The following AGO3 variants were observed in gnomAD, a reference collection of about 807,000 sequenced individuals.
AGO3 encodes the protein argonaute RISC catalytic component 3.
Under a neutral mutation model 105.5 loss-of-function variants are expected in AGO3, and 16 were observed. The observed-to-expected ratio is 0.15, with a 90% CI of 0.10 to 0.23. The LOEUF (loss-of-function observed/expected upper bound fraction) is 0.23, where lower values mean the gene tolerates loss of function less well. Among genes scored for constraint, AGO3 ranks in the 10% least tolerant of loss-of-function variants. The probability of loss-of-function intolerance (pLI) is 1.00; values close to 1 mark genes in which losing one functional copy is unlikely to be tolerated. For synonymous variants in AGO3, 340 were observed against 367.3 expected, an observed-to-expected ratio of 0.93 and a Z score of 0.85; for missense variants, 534 against 1,088.0, an observed-to-expected ratio of 0.49 and a Z score of 7.16.
At chr1:36,037,366 A>G (rs956643474) in intron 14 of AGO3, among the ~76,000 whole-genome samples, 2 of 152,010 alleles carry the variant, frequency 1.3e-5, no homozygotes, top group African/African-American at 4.8e-5. Context: ...TATAAAAAAT[A>G]CGAAATTAGC....
intron 9 of AGO3, among the ~76,000 whole-genome samples, chr1:36,010,072 G>A (rs1640525348): frequency 6.6e-6 from 1 of 151,420 alleles, no homozygotes; most frequent in Non-Finnish European, 1.5e-5. Context: ...CCCAGCAGCT[G>A]GGACTACAGG....
chr1:36,040,550 A>G, intron 16 of AGO3, 109 bp downstream of exon 16: 2 of 1,211,732 alleles, frequency 1.7e-6, no homozygotes, highest in Non-Finnish European at 2.3e-6. Flanking sequence ...AATATATAGT[A>G]GCAAATTTCA....
intron 1 of AGO3, among the ~76,000 whole-genome samples, chr1:35,933,640 CAAAAAAAAAAAAAAAAA>C (rs34254758): frequency 1.6e-4 from 5 of 31,388 alleles, no homozygotes; most frequent in Non-Finnish European, 3.5e-4. Flanking sequence ...GACCCTGTCT[CAAAAAAAAAAAAAAAAA>C]AAAAAAAAAA....
intron 15 of AGO3, 125 bp from the exon 16 acceptor site, chr1:36,040,182 A>G: frequency 1.7e-6 from 2 of 1,207,362 alleles, no homozygotes; most frequent in Non-Finnish European, 1.1e-6. Context: ...TAATCGTTAA[A>G]ATGGAATCTA....
At chr1:36,000,764 GAATAT>G (rs1466885423) in intron 5 of AGO3, among the ~76,000 whole-genome samples, 3 of 150,612 alleles carry the variant, frequency 2.0e-5, no homozygotes, top group Non-Finnish European at 3.0e-5. Context: ...TTCAGTAGAA[GAATAT>G]AATATATATA....
chr1:36,063,929 T>A lies in AGO3; in HGVS notation c.*8184T>A, dbSNP rs903899888. 2 of 152,126 alleles carry A rather than the reference T, an allele frequency of 1.3e-5. No individual in the cohort carries two copies. The highest frequency in any genetic ancestry group is 4.8e-5 in the African/African-American group (2 of 41,430). 9.4% of individuals were successfully genotyped at this position (152,126 alleles called of 1,614,324 possible). On this transcript the variant is annotated 3_prime_UTR_variant, in exon 19 of 19. Coordinates refer to ENST00000373191, the MANE Select transcript of AGO3 (RefSeq NM_024852.4). ...ATGCCCAGCTAATGGTTTTTTTCTTTAGAGATGGGGGTCACTATACTGCCC... is the reference window on the plus strand; with the variant it reads ...ATGCCCAGCTAATGGTTTTTTTCTTAAGAGATGGGGGTCACTATACTGCCC...
intron 9 of AGO3, among the ~76,000 whole-genome samples, chr1:36,010,613 A>G (rs1640559140): frequency 6.6e-6 from 1 of 151,198 alleles, no homozygotes; most frequent in Non-Finnish European, 1.5e-5. Flanking sequence ...AAAAAAAAAA[A>G]AAAGAAAAAG....
intron 2 of AGO3, among the ~76,000 whole-genome samples, chr1:35,960,625 TAGTG>T (rs1242452369): frequency 3.3e-5 from 5 of 152,060 alleles, no homozygotes; most frequent in Non-Finnish European, 5.9e-5. Flanking sequence ...ATGGGCAACA[TAGTG>T]AGACCCCATC....
At position 36,068,332 on chromosome 1, in the gene AGO3, T is replaced by G. The variant is rs1188569567; in HGVS notation, c.*12587T>G. ...AGAATGCTAATGTGAACAGAGTATA[T>G]ATCAGGAATATGATGTATTATGGCA... On this transcript the variant is annotated 3_prime_UTR_variant, in exon 19 of 19. Transcript: ENST00000373191. 2 of 152,196 alleles carry G rather than the reference T, an allele frequency of 1.3e-5. No individual in the cohort carries two copies. Among genetic ancestry groups the G allele is most frequent in the Non-Finnish European group, 2.9e-5 (2 of 68,042 alleles). 9.4% of individuals were successfully genotyped at this position (152,196 alleles called of 1,614,324 possible).
intron 5 of AGO3, among the ~76,000 whole-genome samples, chr1:35,994,042 ATTT>A (rs759085356): frequency 5.2e-4 from 34 of 65,838 alleles, no homozygotes; most frequent in African/African-American, 2.3e-3. Context: ...CTGCGCCCAG[ATTT>A]TTTTTTTTTT....
At chr1:35,985,361 A>C (rs2148788143) in intron 5 of AGO3, among the ~76,000 whole-genome samples, 1 of 152,368 alleles carries the variant, frequency 6.6e-6, no homozygotes. Flanking sequence ...ATGGAAGAAT[A>C]AGTGACTAAG....
rs1355202768 is a variant in AGO3 at position 36,056,028 on chromosome 1, T to C, written c.*283T>C. 1 of 239,862 alleles carries C rather than the reference T, an allele frequency of 4.2e-6. No individual in the cohort carries two copies. Among genetic ancestry groups the C allele is most frequent in the Non-Finnish European group, 8.0e-6 (1 of 124,890 alleles). The allele number at this position is 239,862 out of a possible 1,614,324, so 14.9% of individuals were successfully genotyped here. A position where few individuals can be genotyped will look rare whatever the true frequency, so the allele number is the denominator to read the frequency against. ...TTTCATTTCTTGTAGTCTAACCCTT[T>C]TAATGCCTTTACCTCAAGTTGCTTG... is the stretch of plus-strand genomic sequence containing the variant. On this transcript the variant is annotated 3_prime_UTR_variant, in exon 19 of 19. Coordinates refer to ENST00000373191, the MANE Select transcript of AGO3 (RefSeq NM_024852.4).
At chr1:36,016,898 C>T (rs994248443) in intron 11 of AGO3, among the ~76,000 whole-genome samples, 1 of 152,030 alleles carries the variant, frequency 6.6e-6, no homozygotes, top group African/African-American at 2.4e-5. Context: ...CTGTTGGGGC[C>T]TCATGCATGA....
At chr1:36,036,719 CA>C (rs1642025699) in intron 14 of AGO3, among the ~76,000 whole-genome samples, 1 of 152,000 alleles carries the variant, frequency 6.6e-6, no homozygotes, top group East Asian at 1.9e-4. Flanking sequence ...TTTTTTCAGA[CA>C]AAGTTATCTT....
At chr1:36,036,332 CT>C (rs1294692763) in intron 14 of AGO3, 65 bp downstream of exon 14, 1 of 1,425,486 alleles carries the variant, frequency 7.0e-7, no homozygotes, top group Non-Finnish European at 9.7e-7. Flanking sequence ...GCAGTTTCAA[CT>C]TTTTGAATTT....
rs568872722 is a variant in AGO3 at position 36,012,496 on chromosome 1, G to GT, written c.1150-1133dup. Among the ~76,000 whole-genome samples, 547 of 152,078 alleles carry GT rather than the reference G, an allele frequency of 3.6e-3. 1 individual carries two copies. Among genetic ancestry groups the GT allele is most frequent in the Non-Finnish European group, 4.9e-3 (332 of 68,000 alleles). The stretch of plus-strand genomic sequence containing the variant: ...TGGGAATATATAAAAATTATAACCT[G>GT]TGACTCATACTGGCTTTCTTATCTG... On this transcript the variant is annotated intron_variant, in intron 9 of 18. Coordinates refer to ENST00000373191, the MANE Select transcript of AGO3 (RefSeq NM_024852.4).
chr1:36,018,716 C>T (rs916544318), intron 11 of AGO3, among the ~76,000 whole-genome samples: 1 of 152,150 alleles, frequency 6.6e-6, no homozygotes, highest in South Asian at 2.1e-4. Flanking sequence ...CAGGCATGAG[C>T]CACCACACCT....
At chr1:35,996,541 C>T (rs139079649) in intron 5 of AGO3, among the ~76,000 whole-genome samples, 37 of 152,042 alleles carry the variant, frequency 2.4e-4, no homozygotes, top group East Asian at 2.1e-3. Flanking sequence ...GAGGCCGAGG[C>T]GGGCAGATCA....
At chr1:35,993,044 A>C (rs145143339) in intron 5 of AGO3, among the ~76,000 whole-genome samples, 2 of 152,322 alleles carry the variant, frequency 1.3e-5, no homozygotes, top group African/African-American at 4.8e-5. Flanking sequence ...AAGGCAGAGG[A>C]TATAATAACA....
Sources: gnomAD v4.1 joint callset for allele counts (sites outside exome capture counted in the v4.1 genomes callset) on GRCh38, gnomAD v4.1.1 for gene constraint, MANE v1.5 for transcripts, NCBI Gene and HGNC (gene_info 2026-07-23, HGNC 2026-07-21) for gene names.